Variants in DUSP19 observed in about 807,000 individuals in gnomAD.
DUSP19 encodes dual specificity protein phosphatase 19.
A neutral mutation model predicts 16.6 loss-of-function variants in DUSP19; 14 were observed. That is an observed-to-expected ratio of 0.84 (90% CI 0.56 to 1.32). The LOEUF (loss-of-function observed/expected upper bound fraction) is 1.32. DUSP19 is among the 40% of genes most tolerant of loss of function. The pLI, the probability that DUSP19 is intolerant of heterozygous loss-of-function variation, is 0.00. For missense variants in DUSP19, 258 were observed against 255.9 expected (o/e 1.01, Z -0.06); for synonymous variants, 81 against 90.5 (o/e 0.90, Z 0.59).
intron 1 of DUSP19, among the ~76,000 whole-genome samples, chr2:183,082,886 GTCTTT>G (rs1559127239): frequency 1.1e-5 from 1 of 87,836 alleles, no homozygotes; most frequent in Non-Finnish European, 2.1e-5. Flanking sequence ...GTCTTGTCTT[GTCTTT>G]TCTTTTCTTA....
chr2:183,098,862 T>G lies in DUSP19; in HGVS notation c.*3204T>G, dbSNP rs1699837610. ...ATAGAACACTCAAGAAGTATGTAGA[T>G]TTTTGAAAAACCCAAACAATATTCT... On this transcript the variant is annotated 3_prime_UTR_variant, in exon 4 of 4. Coordinates refer to ENST00000354221, the MANE Select transcript of DUSP19 (RefSeq NM_080876.4). The G allele has an allele frequency of 6.6e-6, 1 of 152,210 alleles. No individual in the cohort carries two copies. Among genetic ancestry groups the G allele is most frequent in the Non-Finnish European group, 1.5e-5 (1 of 68,020 alleles). The allele number at this position is 152,210 out of a possible 1,614,324, so 9.4% of individuals were successfully genotyped here.
chr2:183,079,380 C>T (rs1232624861), intron 1 of DUSP19, among the ~76,000 whole-genome samples: 1 of 152,080 alleles, frequency 6.6e-6, no homozygotes, highest in African/African-American at 2.4e-5. Context: ...GCACTTGGCA[C>T]TGCATATTTG....
At chr2:183,092,349 C>G (rs1473027199) in intron 3 of DUSP19, among the ~76,000 whole-genome samples, 1 of 152,070 alleles carries the variant, frequency 6.6e-6, no homozygotes, top group Non-Finnish European at 1.5e-5. Context: ...GTATTAAGCC[C>G]AGCATGCATT....
chr2:183,081,230 G>GAC (rs1424857423), intron 1 of DUSP19, among the ~76,000 whole-genome samples: 1 of 152,014 alleles, frequency 6.6e-6, no homozygotes, highest in African/African-American at 2.4e-5. Context: ...ATTATATATA[G>GAC]ACAGATAATT....
At chr2:183,079,803 T>C (rs1699569443) in intron 1 of DUSP19, among the ~76,000 whole-genome samples, 1 of 152,188 alleles carries the variant, frequency 6.6e-6, no homozygotes, top group South Asian at 2.1e-4. Flanking sequence ...GGCAAGAATA[T>C]GGTATGGTGT....
intron 1 of DUSP19, among the ~76,000 whole-genome samples, chr2:183,082,876 G>C (rs1010269004): frequency 1.2e-5 from 1 of 84,868 alleles, no homozygotes; most frequent in Non-Finnish European, 2.1e-5. Context: ...CTCTTCTCTT[G>C]TCTTGTCTTG....
Position 183,078,886 on chromosome 2 carries a change from T to G in DUSP19, c.-48T>G. On this transcript the variant is annotated 5_prime_UTR_variant, in exon 1 of 4. Coordinates refer to ENST00000354221, the MANE Select transcript of DUSP19 (RefSeq NM_080876.4). ...AGGGACTAGCAGTTCAGCCGTTTTCTATGCCTGCTGGATTTGTTTGTATTT... is the reference window on the plus strand; with the variant it reads ...AGGGACTAGCAGTTCAGCCGTTTTCGATGCCTGCTGGATTTGTTTGTATTT... 1.3e-6 allele frequency: 2 copies of G among 1,577,528 alleles called. No individual in the cohort carries two copies. Among genetic ancestry groups the G allele is most frequent in the South Asian group, 2.3e-5 (2 of 88,414 alleles).
intron 1 of DUSP19, among the ~76,000 whole-genome samples, chr2:183,083,081 T>A (rs536249548): frequency 1.1e-4 from 17 of 152,158 alleles, no homozygotes; most frequent in African/African-American, 4.1e-4. Context: ...AAAAAAAATT[T>A]TTTTTCTATA....
At chr2:183,085,576 G>A (rs1575093995) in intron 2 of DUSP19, among the ~76,000 whole-genome samples, 1 of 150,672 alleles carries the variant, frequency 6.6e-6, no homozygotes, top group African/African-American at 2.4e-5. Context: ...GTGAGGAAGT[G>A]ATGGCAAAGG....
intron 1 of DUSP19, 64 bp downstream of exon 1, chr2:183,079,223 C>T (rs2105493910): frequency 6.9e-7 from 1 of 1,442,044 alleles, no homozygotes; most frequent in South Asian, 1.3e-5. Context: ...TCTCATTTTC[C>T]CCCTTTATGC....
chr2:183,083,700 A>G, intron 2 of DUSP19, 146 bp downstream of exon 2: 1 of 587,376 alleles, frequency 1.7e-6, no homozygotes, highest in African/African-American at 1.9e-5. Flanking sequence ...TTGAAAAATA[A>G]TTGGCACATA....
chr2:183,079,598 C>A (rs923710929), intron 1 of DUSP19, among the ~76,000 whole-genome samples: 2 of 152,188 alleles, frequency 1.3e-5, no homozygotes, highest in Non-Finnish European at 2.9e-5. Flanking sequence ...GCCTGCGCAG[C>A]TCTTACAGAC....
At chr2:183,081,353 G>A (rs535290020) in intron 1 of DUSP19, among the ~76,000 whole-genome samples, 6 of 152,028 alleles carry the variant, frequency 3.9e-5, no homozygotes, top group Non-Finnish European at 7.4e-5. Context: ...TCCAGCGATC[G>A]TCCCACCTCA....
At chr2:183,084,160 T>C (rs1699630336) in intron 2 of DUSP19, among the ~76,000 whole-genome samples, 1 of 152,154 alleles carries the variant, frequency 6.6e-6, no homozygotes, top group Admixed American at 6.6e-5. Context: ...TGCAGGGTGC[T>C]GTAGAAGTGC....
intron 1 of DUSP19, among the ~76,000 whole-genome samples, chr2:183,080,378 T>C (rs901896763): frequency 2.6e-5 from 4 of 152,246 alleles, no homozygotes; most frequent in Admixed American, 6.5e-5. Context: ...AATTGTTACA[T>C]AGGCTGTCTT....
At chr2:183,094,287 G>A (rs1262723519) in intron 3 of DUSP19, among the ~76,000 whole-genome samples, 1 of 152,112 alleles carries the variant, frequency 6.6e-6, no homozygotes, top group African/African-American at 2.4e-5. Flanking sequence ...AAACTGCCTT[G>A]CAGAAGTAAA....
At chr2:183,083,664 A>G in intron 2 of DUSP19, 110 bp downstream of exon 2, 1 of 838,432 alleles carries the variant, frequency 1.2e-6, no homozygotes, top group Admixed American at 3.1e-5. Context: ...TTATTTGGTA[A>G]CATTTTGGCT....
At position 183,082,419 on chromosome 2, in the gene DUSP19, CTTTTTTTTT is replaced by C. The variant is rs71008260; in HGVS notation, c.227-1075_227-1067del. On this transcript the variant is annotated intron_variant, in intron 1 of 3. Coordinates refer to ENST00000354221, the MANE Select transcript of DUSP19 (RefSeq NM_080876.4). ...AACCAGATACATTGAGAACATTTTT[CTTTTTTTTT>C]TTTTTTTTTTTTTGAGACGGAGTCT... 4.0e-4 allele frequency among the ~76,000 whole-genome samples: 34 copies of C among 84,830 alleles called. 1 individual carries two copies. The highest frequency in any genetic ancestry group is 5.8e-4 in the Non-Finnish European group (27 of 46,402). The allele number at this position is 84,830 out of a possible 152,430, so 55.7% of individuals were successfully genotyped here.
At position 183,095,605 on chromosome 2, in the gene DUSP19, CAA is replaced by C. The variant is rs764513770; in HGVS notation, c.602_603del (p.Gln201ArgfsTer7). ...SGFMEQLRTYQEGKESNKCDR... is the reference protein window; with the variant it reads ...SGFMEQLRTYXEGKESNKCDR... Reference sequence around the variant, plus strand: ...CTTCATGGAGCAGCTTCGTACATATCAAGAGGGCAAAGAAAGCAATAAGTGTG... The same window carrying C: ...CTTCATGGAGCAGCTTCGTACATATCGAGGGCAAAGAAAGCAATAAGTGTG... On this transcript the variant is annotated frameshift_variant, in exon 4 of 4. Coordinates refer to ENST00000354221, the MANE Select transcript of DUSP19 (RefSeq NM_080876.4). LOFTEE classifies it low-confidence loss of function (END_TRUNC). 44 of 1,613,874 alleles carry C rather than the reference CAA, an allele frequency of 2.7e-5. No homozygotes were observed. The highest frequency in any genetic ancestry group is 5.1e-6 in the Non-Finnish European group (6 of 1,179,938).
Sources: gnomAD v4.1 joint callset for allele counts (sites outside exome capture counted in the v4.1 genomes callset) on GRCh38, gnomAD v4.1.1 for gene constraint, MANE v1.5 for transcripts, NCBI Gene and HGNC (gene_info 2026-07-23, HGNC 2026-07-21) for gene names.